RBMS3: variants seen among roughly 807,000 people sequenced by gnomAD.
RBMS3 encodes RNA binding motif single stranded interacting protein 3.
In RBMS3, 27 loss-of-function variants were observed where a neutral mutation model predicts 66.8. The observed-to-expected ratio is 0.40, with a 90% CI of 0.30 to 0.56. RBMS3 has a LOEUF of 0.56. Among genes scored for constraint, RBMS3 ranks in the 20% least tolerant of loss-of-function variants. The pLI is 0.40. For missense variants in RBMS3, 513 were observed against 549.5 expected (o/e 0.93, Z 0.66); for synonymous variants, 188 against 183.0 (o/e 1.03, Z -0.22).
At chr3:29,779,926 C>A (rs2056569487) in intron 6 of RBMS3, among the ~76,000 whole-genome samples, 1 of 149,884 alleles carries the variant, frequency 6.7e-6, no homozygotes, top group African/African-American at 2.4e-5. Flanking sequence ...AATACATTTT[C>A]AGTGTAAGGG....
intron 2 of RBMS3, among the ~76,000 whole-genome samples, chr3:29,482,651 C>T (rs2043166273): frequency 6.7e-6 from 1 of 149,698 alleles, no homozygotes; most frequent in Non-Finnish European, 1.5e-5. Flanking sequence ...GGAATATCAT[C>T]AGGCAAAACT....
intron 4 of RBMS3, among the ~76,000 whole-genome samples, chr3:29,721,239 C>T (rs1316731211): frequency 6.6e-6 from 1 of 152,006 alleles, no homozygotes; most frequent in African/African-American, 2.4e-5. Flanking sequence ...ATTTATGCCT[C>T]GTTACATCCT....
intron 10 of RBMS3, among the ~76,000 whole-genome samples, chr3:29,935,261 C>T (rs1214081267): frequency 6.6e-6 from 1 of 152,068 alleles, no homozygotes; most frequent in Non-Finnish European, 1.5e-5. Flanking sequence ...TCTTCACTCA[C>T]CATATGACAC....
At chr3:29,320,225 C>T (rs969476861) in intron 1 of RBMS3, among the ~76,000 whole-genome samples, 8 of 151,990 alleles carry the variant, frequency 5.3e-5, no homozygotes, top group Admixed American at 1.3e-4. Context: ...GAGTAGACTA[C>T]GGTCAGCTGC....
At chr3:29,287,202 C>T (rs1293971336) in intron 1 of RBMS3, among the ~76,000 whole-genome samples, 1 of 152,060 alleles carries the variant, frequency 6.6e-6, no homozygotes, top group Admixed American at 6.6e-5. Flanking sequence ...CGGAAACAGA[C>T]ATATAATACC....
intron 3 of RBMS3, among the ~76,000 whole-genome samples, chr3:29,525,894 T>C (rs2045074378): frequency 6.6e-6 from 1 of 152,182 alleles, no homozygotes; most frequent in South Asian, 2.1e-4. Flanking sequence ...CTATTATCTC[T>C]GAAGTGTTGT....
intron 1 of RBMS3, among the ~76,000 whole-genome samples, chr3:29,325,223 C>T (rs944340921): frequency 2.0e-5 from 3 of 151,848 alleles, no homozygotes; most frequent in African/African-American, 4.8e-5. Flanking sequence ...TTTTATATTT[C>T]GTTTGTGAAA....
chr3:29,809,914 C>T (rs985970150), intron 6 of RBMS3, among the ~76,000 whole-genome samples: 4 of 152,012 alleles, frequency 2.6e-5, no homozygotes, highest in African/African-American at 9.7e-5. Flanking sequence ...GCTACCACCC[C>T]ACCATCATGG....
chr3:29,360,364 A>G (rs923622184), intron 1 of RBMS3, among the ~76,000 whole-genome samples: 10 of 151,970 alleles, frequency 6.6e-5, no homozygotes, highest in African/African-American at 2.2e-4. Context: ...GTTTTGAGTG[A>G]GTTTCTTAAT....
rs28513301 is a variant in RBMS3, at chr3:29,528,197, C to G, written c.307+39698C>G. On this transcript the variant is annotated intron_variant, in intron 3 of 14. Coordinates refer to ENST00000383767, the MANE Select transcript of RBMS3 (RefSeq NM_001003793.3). ...GCATGATCTAGGCTCACTGTAACCT[C>G]CGCCTCACAGGTCCAAGCAATTCTC... Among the ~76,000 whole-genome samples the G allele has an allele frequency of 6.9e-3, 1,045 of 150,958 alleles. 16 individuals are homozygous for G. Among genetic ancestry groups the G allele is most frequent in the African/African-American group, 0.024 (970 of 41,074 alleles).
intron 1 of RBMS3, among the ~76,000 whole-genome samples, chr3:29,340,495 A>G (rs940344148): frequency 6.6e-6 from 1 of 152,150 alleles, no homozygotes; most frequent in African/African-American, 2.4e-5. Flanking sequence ...CTAGTTGCCA[A>G]ATAAATTGAG....
chr3:29,861,941 G>A (rs2059227257), intron 6 of RBMS3, among the ~76,000 whole-genome samples: 1 of 152,004 alleles, frequency 6.6e-6, no homozygotes, highest in African/African-American at 2.4e-5. Flanking sequence ...GCTTATAATG[G>A]CATCCCACTT....
chr3:29,312,793 T>C (rs545574542), intron 1 of RBMS3, among the ~76,000 whole-genome samples: 1 of 151,642 alleles, frequency 6.6e-6, no homozygotes, highest in South Asian at 2.1e-4. Context: ...CTCCCTGTAT[T>C]AACCTTTTGT....
intron 1 of RBMS3, among the ~76,000 whole-genome samples, chr3:29,395,238 T>C (rs1053101554): frequency 6.6e-6 from 1 of 152,230 alleles, no homozygotes; most frequent in South Asian, 2.1e-4. Context: ...TAGCCACCAT[T>C]GGAACTAACC....
chr3:29,661,098 TG>T (rs2050527988), intron 4 of RBMS3, among the ~76,000 whole-genome samples: 2 of 152,174 alleles, frequency 1.3e-5, no homozygotes, highest in Non-Finnish European at 2.9e-5. Flanking sequence ...GGGTGGGGAA[TG>T]GGTAGCTGCT....
intron 10 of RBMS3, among the ~76,000 whole-genome samples, chr3:29,913,727 A>G (rs1302869476): frequency 2.0e-5 from 3 of 152,116 alleles, no homozygotes; most frequent in South Asian, 4.1e-4. Context: ...CTTAATCAAT[A>G]CACATTAGAA....
chr3:29,461,342 C>A (rs745632076), intron 2 of RBMS3, among the ~76,000 whole-genome samples: 3 of 152,210 alleles, frequency 2.0e-5, no homozygotes, highest in Non-Finnish European at 4.4e-5. Flanking sequence ...CTTCTCCATT[C>A]CTGAAATTCA....
At chr3:29,958,862 A>G (rs1696217474) in intron 12 of RBMS3, among the ~76,000 whole-genome samples, 1 of 152,202 alleles carries the variant, frequency 6.6e-6, no homozygotes, top group African/African-American at 2.4e-5. Context: ...GTGTGTTAAA[A>G]AATGAGTATT....
chr3:29,454,580 G>A (rs1055539747), intron 2 of RBMS3, among the ~76,000 whole-genome samples: 6 of 152,138 alleles, frequency 3.9e-5, no homozygotes, highest in Non-Finnish European at 5.9e-5. Flanking sequence ...TCTATGAATC[G>A]TGTCTTTTAT....
Sources: allele counts gnomAD v4.1 joint callset (sites outside exome capture counted in the v4.1 genomes callset), GRCh38; gene constraint gnomAD v4.1.1; transcripts MANE v1.5; gene names NCBI Gene and HGNC (gene_info 2026-07-23, HGNC 2026-07-21).